Variants in BRINP3 observed in about 807,000 individuals in gnomAD.
The protein encoded by BRINP3 is BMP/retinoic acid-inducible neural-specific protein 3.
Under a neutral mutation model 71.0 loss-of-function variants are expected in BRINP3, and 19 were observed. The ratio of observed to expected loss-of-function variants is 0.27; its 90% CI spans 0.19 to 0.39. The LOEUF (loss-of-function observed/expected upper bound fraction) is 0.39. Among genes scored for constraint, BRINP3 ranks in the 10% least tolerant of loss-of-function variants. The probability of loss-of-function intolerance (pLI) is 1.00; values close to 1 mark genes in which losing one functional copy is unlikely to be tolerated. For synonymous variants in BRINP3, 380 were observed against 337.7 expected, an observed-to-expected ratio of 1.13 and a Z score of -1.37; for missense variants, 959 against 940.8, an observed-to-expected ratio of 1.02 and a Z score of -0.25.
intron 2 of BRINP3, among the ~76,000 whole-genome samples, chr1:190,412,461 T>C (rs12026043): frequency 0.024 from 3,370 of 139,392 alleles, 150 homozygotes; most frequent in African/African-American, 0.083. Flanking sequence ...GTTTTGTTTT[T>C]TTTTGTTTTT....
intron 7 of BRINP3, among the ~76,000 whole-genome samples, chr1:190,116,956 G>A (rs540823781): frequency 1.3e-5 from 2 of 152,118 alleles, no homozygotes; most frequent in South Asian, 4.1e-4. Context: ...AACTTAAAAA[G>A]CTTATGACTT....
chr1:190,187,165 A>G (rs1382048786), intron 6 of BRINP3, among the ~76,000 whole-genome samples: 3 of 152,122 alleles, frequency 2.0e-5, no homozygotes, highest in Admixed American at 2.0e-4. Context: ...TTGGCCATTC[A>G]TAAGTCTTTT....
intron 6 of BRINP3, among the ~76,000 whole-genome samples, chr1:190,203,885 A>G (rs909528322): frequency 1.4e-5 from 2 of 145,538 alleles, no homozygotes; most frequent in Non-Finnish European, 3.0e-5. Context: ...ATGTATTTCA[A>G]ACTGAAATAA....
intron 2 of BRINP3, among the ~76,000 whole-genome samples, chr1:190,422,242 G>A (rs1360897120): frequency 1.3e-5 from 2 of 151,764 alleles, no homozygotes; most frequent in Non-Finnish European, 2.9e-5. Flanking sequence ...TCCATTAAAT[G>A]TGACCAATGA....
intron 2 of BRINP3, among the ~76,000 whole-genome samples, chr1:190,399,865 C>G (rs1186302476): frequency 6.6e-6 from 1 of 151,936 alleles, no homozygotes; most frequent in Admixed American, 6.6e-5. Flanking sequence ...TACTCCTGGT[C>G]TTAGAGATGA....
At chr1:190,365,595 A>G (rs1185377369) in intron 2 of BRINP3, among the ~76,000 whole-genome samples, 5 of 146,882 alleles carry the variant, frequency 3.4e-5, no homozygotes, top group Non-Finnish European at 7.5e-5. Context: ...ATTTAATATT[A>G]TAACAATTAT....
chr1:190,450,337 A>C (rs1425532001), intron 2 of BRINP3, among the ~76,000 whole-genome samples: 1 of 152,182 alleles, frequency 6.6e-6, no homozygotes, highest in Non-Finnish European at 1.5e-5. Context: ...TGCTAGTCTT[A>C]TAACTTTTAA....
At chr1:190,409,729 T>C (rs941288302) in intron 2 of BRINP3, among the ~76,000 whole-genome samples, 2 of 152,124 alleles carry the variant, frequency 1.3e-5, no homozygotes, top group African/African-American at 4.8e-5. Context: ...TCCAGAATGA[T>C]GGGAAGGAGC....
At chr1:190,100,054 A>T (rs1212330709) in intron 7 of BRINP3, among the ~76,000 whole-genome samples, 4 of 152,292 alleles carry the variant, frequency 2.6e-5, no homozygotes, top group African/African-American at 9.6e-5. Context: ...TCATGGGAAA[A>T]GTTGCACAGC....
intron 1 of BRINP3, among the ~76,000 whole-genome samples, chr1:190,476,553 G>T (rs187785431): frequency 6.6e-6 from 1 of 152,108 alleles, no homozygotes; most frequent in African/African-American, 2.4e-5. Flanking sequence ...CCATAGAAAT[G>T]TTCATAAAAG....
At chr1:190,311,293 G>A (rs963036772) in intron 2 of BRINP3, among the ~76,000 whole-genome samples, 1 of 151,582 alleles carries the variant, frequency 6.6e-6, no homozygotes, top group South Asian at 2.1e-4. Flanking sequence ...TTTTATATAT[G>A]AGAAATATGA....
At chr1:190,141,948 A>T (rs1456930617) in intron 7 of BRINP3, among the ~76,000 whole-genome samples, 1 of 152,134 alleles carries the variant, frequency 6.6e-6, no homozygotes, top group African/African-American at 2.4e-5. Context: ...CAAAAAAGAT[A>T]TCGATTATGA....
At chr1:190,140,389 G>A (rs548992224) in intron 7 of BRINP3, among the ~76,000 whole-genome samples, 1 of 152,060 alleles carries the variant, frequency 6.6e-6, no homozygotes, top group South Asian at 2.1e-4. Context: ...ATTATTATAT[G>A]TTTATTAAAT....
At position 190,352,661 on chromosome 1, in the gene BRINP3, G is replaced by A. The variant is rs551942714; in HGVS notation, c.237-70911C>T. 7.9e-4 allele frequency among the ~76,000 whole-genome samples: 120 copies of A among 151,920 alleles called. 2 individuals carry two copies. The highest frequency in any genetic ancestry group is 1.0e-3 in the South Asian group (5 of 4,822). ...ATATTTATATGAAACATCTCAAGAC[G>A]TTATAACCTAATGTGTACTCTGTCC... On this transcript the variant is annotated intron_variant, in intron 2 of 7. Coordinates refer to ENST00000367462, the MANE Select transcript of BRINP3 (RefSeq NM_199051.3).
intron 2 of BRINP3, among the ~76,000 whole-genome samples, chr1:190,416,006 G>A (rs12065497): frequency 0.16 from 24,157 of 151,988 alleles, 2,046 homozygotes; most frequent in Middle Eastern, 0.21. Flanking sequence ...CTTCTACTGT[G>A]TCTCAGCCAC....
intron 7 of BRINP3, chr1:190,154,209 C>G (rs1656668763): frequency 4.1e-6 from 1 of 246,194 alleles, no homozygotes; most frequent in Non-Finnish European, 6.5e-6. Context: ...ATGTATCCAC[C>G]TTAGGTGCAA....
At chr1:190,212,649 C>T (rs1558070512) in intron 6 of BRINP3, among the ~76,000 whole-genome samples, 1 of 152,070 alleles carries the variant, frequency 6.6e-6, no homozygotes, top group Non-Finnish European at 1.5e-5. Flanking sequence ...TGGCATTTCT[C>T]TGTTTCCTTT....
At chr1:190,236,992 C>T (rs929774292) in intron 4 of BRINP3, among the ~76,000 whole-genome samples, 2 of 151,862 alleles carry the variant, frequency 1.3e-5, no homozygotes, top group South Asian at 4.1e-4. Flanking sequence ...TCCTCTAACA[C>T]TTCATCCTTA....
At chr1:190,182,791 C>T (rs919610148) in intron 6 of BRINP3, among the ~76,000 whole-genome samples, 1 of 152,194 alleles carries the variant, frequency 6.6e-6, no homozygotes, top group East Asian at 1.9e-4. Flanking sequence ...AGCGTGGGAG[C>T]TTTGGTTCAC....
Sources: gnomAD v4.1 joint callset for allele counts (sites outside exome capture counted in the v4.1 genomes callset) on GRCh38, gnomAD v4.1.1 for gene constraint, MANE v1.5 for transcripts, NCBI Gene and HGNC (gene_info 2026-07-23, HGNC 2026-07-21) for gene names.